PTPRD: variants seen among roughly 807,000 people sequenced by gnomAD.
PTPRD encodes receptor-type tyrosine-protein phosphatase delta.
A neutral mutation model predicts 214.5 loss-of-function variants in PTPRD; 34 were observed. The ratio of observed to expected loss-of-function variants is 0.16; its 90% confidence interval spans 0.12 to 0.21. The LOEUF (loss-of-function observed/expected upper bound fraction) is 0.21. Ranked by LOEUF, PTPRD falls within the 10% of genes least tolerant of loss-of-function variation. The pLI is 1.00. For synonymous variants in PTPRD, 1,128 were observed against 845.7 expected, an observed-to-expected ratio of 1.33 and a Z score of -5.79; for missense variants, 2,545 against 2,398.7, an observed-to-expected ratio of 1.06 and a Z score of -1.27.
intron 4 of PTPRD, among the ~76,000 whole-genome samples, chr9:9,943,602 A>T (rs1238400860): frequency 2.6e-5 from 4 of 151,982 alleles, no homozygotes; most frequent in Non-Finnish European, 5.9e-5. Context: ...AAGATATTAG[A>T]AGCTGTGGGT....
chr9:10,558,126 T>G (rs1043363455), intron 2 of PTPRD, among the ~76,000 whole-genome samples: 1 of 152,164 alleles, frequency 6.6e-6, no homozygotes, highest in African/African-American at 2.4e-5. Flanking sequence ...AAGGCTAATA[T>G]GCTGAAAGAG....
Position 8,331,567 on chromosome 9 carries a change from C to CAAATGGAAACTTACCTGCAATGGACTG in PTPRD, c.5522_5534+14dup. Reference sequence around the variant, plus strand: ...CCACCACTTATCACTGCTTTATTCACAAATGGAAACTTACCTGCAATGGAC... The same window carrying CAAATGGAAACTTACCTGCAATGGACTG: ...CCACCACTTATCACTGCTTTATTCACAAATGGAAACTTACCTGCAATGGACTGAAATGGAAACTTACCTGCAATGGAC... On this transcript the variant is annotated intron_variant, in intron 44 of 45. Transcript: ENST00000381196. The CAAATGGAAACTTACCTGCAATGGACTG allele has an allele frequency of 1.1e-6, 1 of 870,822 alleles. No homozygotes were observed. The highest frequency in any genetic ancestry group is 1.5e-6 in the Non-Finnish European group (1 of 679,710). 53.9% of individuals were successfully genotyped at this position (870,822 alleles called of 1,614,324 possible).
chr9:8,770,032 G>C (rs1411356222), intron 11 of PTPRD, among the ~76,000 whole-genome samples: 1 of 152,168 alleles, frequency 6.6e-6, no homozygotes, highest in Non-Finnish European at 1.5e-5. Context: ...TGTAATCCCA[G>C]CACTTTGGGA....
intron 3 of PTPRD, among the ~76,000 whole-genome samples, chr9:10,334,079 A>G (rs1473362633): frequency 6.6e-6 from 1 of 151,764 alleles, no homozygotes; most frequent in African/African-American, 2.4e-5. Context: ...ATAAAATATT[A>G]TGATATCAAT....
intron 14 of PTPRD, among the ~76,000 whole-genome samples, chr9:8,604,238 C>T (rs976007447): frequency 2.0e-5 from 3 of 152,062 alleles, no homozygotes; most frequent in Non-Finnish European, 4.4e-5. Context: ...AAGGTATAGT[C>T]GAGGAAAGAG....
chr9:9,676,526 T>C (rs899512581), intron 7 of PTPRD, among the ~76,000 whole-genome samples: 4 of 152,076 alleles, frequency 2.6e-5, no homozygotes, highest in Admixed American at 2.0e-4. Flanking sequence ...CAGTCTACCA[T>C]TGATGGACAT....
At chr9:9,845,046 C>CTA (rs35360703) in intron 5 of PTPRD, among the ~76,000 whole-genome samples, 68,010 of 102,696 alleles carry the variant, frequency 0.66, 26,100 homozygotes, top group Non-Finnish European at 0.82. Context: ...ATATATATAG[C>CTA]TATATATAGA....
chr9:9,964,641 GT>G (rs1345808085), intron 4 of PTPRD, among the ~76,000 whole-genome samples: 1 of 152,102 alleles, frequency 6.6e-6, no homozygotes, highest in Non-Finnish European at 1.5e-5. Context: ...AGTTTATAAA[GT>G]TTTTAAAAAA....
At position 8,389,270 on chromosome 9, in the gene PTPRD, T is replaced by C. The variant is rs563230694; in HGVS notation, c.4348A>G (p.Thr1450Ala). Reference sequence around the variant, plus strand: ...TCTAGTTTTGTCATCATGACAACTGTGGCACTCCGTTGTTCCCATATCATT... The same window carrying C: ...TCTAGTTTTGTCATCATGACAACTGCGGCACTCCGTTGTTCCCATATCATT... Reference protein sequence around the residue: ...WRMIWEQRSATVVMMTKLEER... With the variant: ...WRMIWEQRSAAVVMMTKLEER... Residue 1450 changes from threonine to alanine, a missense_variant, in exon 37 of 46, where the codon ACA becomes GCA. By Grantham distance (58) the Thr-to-Ala change is moderately conservative. Coordinates refer to ENST00000381196, the MANE Select transcript of PTPRD (RefSeq NM_002839.4). The C allele has an allele frequency of 6.2e-7, 1 of 1,612,352 alleles. No homozygotes were observed. The highest frequency in any genetic ancestry group is 1.7e-5 in the Admixed American group (1 of 59,838).
intron 3 of PTPRD, among the ~76,000 whole-genome samples, chr9:10,065,867 G>A (rs1459107892): frequency 1.3e-5 from 2 of 151,908 alleles, no homozygotes; most frequent in Non-Finnish European, 2.9e-5. Flanking sequence ...GACAACTGGT[G>A]TCTATTTCCA....
intron 9 of PTPRD, among the ~76,000 whole-genome samples, chr9:9,190,242 T>C: frequency 6.6e-6 from 1 of 152,002 alleles, no homozygotes; most frequent in Admixed American, 6.6e-5. Context: ...GATAAAAGGA[T>C]GAGTGATATG....
chr9:9,663,139 T>C lies in PTPRD; in HGVS notation c.-287+71394A>G, dbSNP rs187120465. ...GCATGTAGATATTATAGTTAGCAAT[T>C]TTTTGATAATCAAAAACTCAGAATT... On this transcript the variant is annotated intron_variant, in intron 7 of 45. Transcript: ENST00000381196. Among the ~76,000 whole-genome samples, 687 of 151,638 alleles carry C rather than the reference T, an allele frequency of 4.5e-3. 7 individuals carry two copies. Among genetic ancestry groups the C allele is most frequent in the African/African-American group, 0.016 (658 of 41,502 alleles).
intron 35 of PTPRD, among the ~76,000 whole-genome samples, chr9:8,415,873 G>C (rs534710585): frequency 6.6e-6 from 1 of 151,820 alleles, no homozygotes; most frequent in Non-Finnish European, 1.5e-5. Context: ...CCAGAAAACA[G>C]ATCTCTCTCA....
At chr9:10,082,033 A>G (rs2098246781) in intron 3 of PTPRD, among the ~76,000 whole-genome samples, 1 of 152,090 alleles carries the variant, frequency 6.6e-6, no homozygotes, top group South Asian at 2.1e-4. Context: ...GTTATACCTC[A>G]TTAAAATATC....
intron 9 of PTPRD, among the ~76,000 whole-genome samples, chr9:9,370,043 G>A (rs970883309): frequency 7.9e-5 from 12 of 152,108 alleles, no homozygotes; most frequent in Non-Finnish European, 1.2e-4. Context: ...GTCAGGTAGC[G>A]TGATGCCTCC....
At chr9:9,879,771 G>A (rs1047822286) in intron 5 of PTPRD, among the ~76,000 whole-genome samples, 5 of 152,220 alleles carry the variant, frequency 3.3e-5, no homozygotes, top group East Asian at 3.9e-4. Flanking sequence ...TTGAAAGGGT[G>A]GAACATTTCT....
At chr9:10,069,824 T>C (rs1042024874) in intron 3 of PTPRD, among the ~76,000 whole-genome samples, 3 of 152,072 alleles carry the variant, frequency 2.0e-5, no homozygotes, top group African/African-American at 7.2e-5. Flanking sequence ...GACATGTTTC[T>C]GTATCTTGCT....
chr9:9,276,078 T>C (rs1945522464), intron 9 of PTPRD, among the ~76,000 whole-genome samples: 2 of 151,432 alleles, frequency 1.3e-5, no homozygotes, highest in African/African-American at 4.8e-5. Flanking sequence ...TAAATGTCCT[T>C]GTCTAATGTT....
At chr9:10,406,399 G>T (rs1303636862) in intron 2 of PTPRD, among the ~76,000 whole-genome samples, 4 of 151,458 alleles carry the variant, frequency 2.6e-5, no homozygotes, top group Non-Finnish European at 5.9e-5. Flanking sequence ...TAGTAAGAAT[G>T]TATGTCATGT....
Sources: allele counts gnomAD v4.1 joint callset (sites outside exome capture counted in the v4.1 genomes callset), GRCh38; gene constraint gnomAD v4.1.1; transcripts MANE v1.5; gene names NCBI Gene and HGNC (gene_info 2026-07-23, HGNC 2026-07-21).